The following SLC39A9 variants were observed in gnomAD, a reference collection of about 807,000 sequenced individuals.
SLC39A9 encodes zinc transporter ZIP9.
Under a neutral mutation model 28.4 loss-of-function variants are expected in SLC39A9, and 14 were observed. The observed-to-expected ratio is 0.49, with a 90% CI of 0.33 to 0.77. The LOEUF (loss-of-function observed/expected upper bound fraction) is 0.77. SLC39A9 is among the 30% of genes least tolerant of loss of function. SLC39A9 has a pLI of 0.02. For missense variants in SLC39A9, 283 were observed against 381.1 expected (o/e 0.74, Z 2.14); for synonymous variants, 119 against 149.6 (o/e 0.80, Z 1.49).
At chr14:69,432,979 T>G (rs1235688986) in intron 2 of SLC39A9, among the ~76,000 whole-genome samples, 1 of 152,252 alleles carries the variant, frequency 6.6e-6, no homozygotes, top group Non-Finnish European at 1.5e-5. Flanking sequence ...TGCCTCTGGC[T>G]TTGTCCTTTT....
chr14:69,454,103 G>A (rs1885743813), intron 4 of SLC39A9, among the ~76,000 whole-genome samples: 1 of 152,188 alleles, frequency 6.6e-6, no homozygotes. Flanking sequence ...CCCAAACCTA[G>A]TCCTAGTAAT....
At chr14:69,449,010 A>G (rs1349801742) in intron 3 of SLC39A9, among the ~76,000 whole-genome samples, 2 of 152,220 alleles carry the variant, frequency 1.3e-5, no homozygotes, top group Non-Finnish European at 2.9e-5. Context: ...TATTCTTGCA[A>G]CTTTACTGAA....
At chr14:69,448,462 C>T (rs968736128) in intron 3 of SLC39A9, among the ~76,000 whole-genome samples, 9 of 152,150 alleles carry the variant, frequency 5.9e-5, no homozygotes, top group East Asian at 1.9e-4. Context: ...ATGTGATACC[C>T]GGAGAAGCAT....
At chr14:69,398,547 G>A (rs780877215), upstream of SLC39A9, 2 of 493,822 alleles carry the variant, frequency 4.1e-6, no homozygotes, top group Non-Finnish European at 7.3e-6. Context: ...AGTGATCACC[G>A]GTATAGACAG....
intron 3 of SLC39A9, among the ~76,000 whole-genome samples, chr14:69,453,024 A>C (rs550752244): frequency 6.6e-6 from 1 of 152,302 alleles, no homozygotes; most frequent in South Asian, 2.1e-4. Flanking sequence ...GAAATCTTCT[A>C]AGGGTTTGAA....
At chr14:69,416,039 T>G (rs1414750613) in intron 1 of SLC39A9, among the ~76,000 whole-genome samples, 1 of 152,116 alleles carries the variant, frequency 6.6e-6, no homozygotes, top group Non-Finnish European at 1.5e-5. Context: ...CCATTTACAT[T>G]AGGTATTTCT....
At chr14:69,405,691 ATTATTG>A (rs1882876398) in intron 1 of SLC39A9, among the ~76,000 whole-genome samples, 1 of 152,186 alleles carries the variant, frequency 6.6e-6, no homozygotes, top group Non-Finnish European at 1.5e-5. Flanking sequence ...TGAACTACAG[ATTATTG>A]TTTCATAAGG....
At position 69,460,744 on chromosome 14, in the gene SLC39A9, G is replaced by A. The variant is rs1017565052; in HGVS notation, c.*2151G>A. 2 of 985,254 alleles carry A rather than the reference G, an allele frequency of 2.0e-6. No individual in the cohort carries two copies. The highest frequency in any genetic ancestry group is 6.2e-5 in the Admixed American group (1 of 16,242). 61.0% of individuals were successfully genotyped at this position (985,254 alleles called of 1,614,324 possible). On this transcript the variant is annotated 3_prime_UTR_variant, in exon 7 of 7. Transcript: ENST00000336643. ...ACTTCCAAATTTGCCTTCCCCTCTG[G>A]ACCTCACTATTAACAAGCAAACCTT...
At chr14:69,439,391 T>C (rs1884936799) in intron 2 of SLC39A9, among the ~76,000 whole-genome samples, 1 of 152,130 alleles carries the variant, frequency 6.6e-6, no homozygotes, top group Non-Finnish European at 1.5e-5. Flanking sequence ...TGGGCATAAA[T>C]TTAACCAAGG....
Position 69,443,839 on chromosome 14 carries a change from A to G in SLC39A9, c.403+1573A>G, listed in dbSNP as rs1566921872. Among the ~76,000 whole-genome samples the G allele has an allele frequency of 3.3e-5, 5 of 152,274 alleles. No homozygotes were observed. In the South Asian group the frequency reaches 1.0e-3, roughly 32 times the overall value. ...AGCTGAGATCACGCCACTGCACTCC[A>G]GCCTGGGTGACAAAGTGAGACCCTG... On this transcript the variant is annotated intron_variant, in intron 3 of 6. Transcript: ENST00000336643.
In SLC39A9 at chr14:69,454,896, A is replaced by C; in HGVS notation, c.557A>C (p.Lys186Thr). Residue 186 changes from lysine (K) to threonine (T), a missense_variant and splice_region_variant, in exon 5 of 7, where the codon AAG becomes ACG. Lys to Thr is a moderately conservative substitution (Grantham distance 78, BLOSUM62 -1). Transcript: ENST00000336643. ...GTGTTTGTGGCAATCATGCTACATA[A>C]GGTAAGCAACATTTTGGTGTAAGGT... ...LIVFVAIMLH[K>T]APAAFGLVSF... is the part of the protein sequence containing the mutation. 1 of 1,612,748 alleles carries C rather than the reference A, an allele frequency of 6.2e-7. No homozygotes were observed. The highest frequency in any genetic ancestry group is 8.5e-7 in the Non-Finnish European group (1 of 1,179,028).
chr14:69,455,041 C>T (rs1415703855), intron 5 of SLC39A9, 144 bp downstream of exon 5: 8 of 616,734 alleles, frequency 1.3e-5, no homozygotes, highest in Non-Finnish European at 2.2e-5. Flanking sequence ...TAAATCTGTT[C>T]ATAGCTTCTT....
At chr14:69,434,345 G>T (rs1884643789) in intron 2 of SLC39A9, among the ~76,000 whole-genome samples, 1 of 151,222 alleles carries the variant, frequency 6.6e-6, no homozygotes, top group African/African-American at 2.4e-5. Context: ...CGGCCTCCCA[G>T]AGTACTGGGA....
Position 69,461,122 on chromosome 14 carries a change from C to T in SLC39A9, c.*2529C>T, listed in dbSNP as rs1886093250. The T allele has an allele frequency of 2.0e-6, 2 of 986,596 alleles. No individual in the cohort carries two copies. The highest frequency in any genetic ancestry group is 6.1e-5 in the Admixed American group (1 of 16,490). 61.1% of individuals were successfully genotyped at this position (986,596 alleles called of 1,614,324 possible). A position where few individuals can be genotyped will look rare whatever the true frequency, so the allele number is the denominator to read the frequency against. ...AACATTGGCAATACTTAAGTTGCTG[C>T]CATGATTACAGATGGAATTATTGGC... On this transcript the variant is annotated 3_prime_UTR_variant, in exon 7 of 7. Transcript: ENST00000336643.
chr14:69,437,547 T>C (rs1884829980), intron 2 of SLC39A9, among the ~76,000 whole-genome samples: 1 of 152,298 alleles, frequency 6.6e-6, no homozygotes, highest in East Asian at 1.9e-4. Flanking sequence ...AACATTCCTT[T>C]TAAAATGTAA....
Position 69,458,966 on chromosome 14 carries a change from A to G in SLC39A9, c.*373A>G, listed in dbSNP as rs773876743. The G allele has an allele frequency of 5.0e-6, 5 of 1,002,998 alleles. No individual in the cohort carries two copies. The highest frequency in any genetic ancestry group is 1.7e-5 in the African/African-American group (1 of 57,864). 62.1% of individuals were successfully genotyped at this position (1,002,998 alleles called of 1,614,324 possible). A position where few individuals can be genotyped will look rare whatever the true frequency, so the allele number is the denominator to read the frequency against. On this transcript the variant is annotated 3_prime_UTR_variant, in exon 7 of 7. Coordinates refer to ENST00000336643, the MANE Select transcript of SLC39A9 (RefSeq NM_018375.5). Reference sequence around the variant, plus strand: ...AAATACAGTGTTCTGTAATTAAGCTATGTCTCTTTCTTCTTAGTTTAGAGG... The same window carrying G: ...AAATACAGTGTTCTGTAATTAAGCTGTGTCTCTTTCTTCTTAGTTTAGAGG...
intron 1 of SLC39A9, among the ~76,000 whole-genome samples, chr14:69,411,169 A>G (rs1449584174): frequency 3.4e-5 from 5 of 145,674 alleles, no homozygotes; most frequent in African/African-American, 5.1e-5. Flanking sequence ...CCAGGTTCAC[A>G]CCACTGCATT....
rs144971427 is a variant in SLC39A9, at chr14:69,418,684, A to G, written c.97-5410A>G. On this transcript the variant is annotated intron_variant, in intron 1 of 6. Coordinates refer to ENST00000336643, the MANE Select transcript of SLC39A9 (RefSeq NM_018375.5). ...CTATTAATTATTGCCTCAGTTTCAG[A>G]GCCTGTTATTTGTCTATTCAGGGAT... Among the ~76,000 whole-genome samples, 1,397 of 152,016 alleles carry G rather than the reference A, an allele frequency of 9.2e-3. 24 individuals are homozygous for G. The highest frequency in any genetic ancestry group is 0.032 in the African/African-American group (1,322 of 41,448).
rs571745677 is a variant in SLC39A9 at position 69,460,401 on chromosome 14, T to C, written c.*1808T>C. 7.3e-5 allele frequency: 72 copies of C among 985,466 alleles called. 1 individual carries two copies. In the African/African-American group the frequency reaches 1.2e-3, roughly 16 times the overall value. 61.0% of individuals were successfully genotyped at this position (985,466 alleles called of 1,614,324 possible). A position where few individuals can be genotyped will look rare whatever the true frequency, so the allele number is the denominator to read the frequency against. On this transcript the variant is annotated 3_prime_UTR_variant, in exon 7 of 7. Transcript: ENST00000336643. The stretch of plus-strand genomic sequence containing the variant: ...ACAATTTTACTACCAAGAGAAGGTA[T>C]AGTATGGAAAGTCCAAATGACTTCC...
Sources: gnomAD v4.1 joint callset for allele counts (sites outside exome capture counted in the v4.1 genomes callset) on GRCh38, gnomAD v4.1.1 for gene constraint, MANE v1.5 for transcripts, NCBI Gene and HGNC (gene_info 2026-07-23, HGNC 2026-07-21) for gene names.